Variants in FBXO43 observed in about 807,000 individuals in gnomAD.
FBXO43 encodes the protein F-box only protein 43.
Under a neutral mutation model 56.7 loss-of-function variants are expected in FBXO43, and 22 were observed. That is an observed-to-expected ratio of 0.39 (90% CI 0.28 to 0.55). FBXO43 has a LOEUF of 0.55. Ranked by LOEUF, FBXO43 falls within the 20% of genes least tolerant of loss-of-function variation. The pLI is 0.66. For missense variants in FBXO43, 733 were observed against 814.9 expected, an observed-to-expected ratio of 0.90 and a Z score of 1.22; for synonymous variants, 306 against 294.5, an observed-to-expected ratio of 1.04 and a Z score of -0.40.
At chr8:100,142,459 A>G (rs1563755088) in intron 1 of FBXO43, among the ~76,000 whole-genome samples, 1 of 152,216 alleles carries the variant, frequency 6.6e-6, no homozygotes, top group East Asian at 1.9e-4. Flanking sequence ...TACCCTAAAG[A>G]GAAAAAAACC....
At chr8:100,137,513 GATT>G (rs754639612) in intron 3 of FBXO43, 49 bp downstream of exon 3, 41 of 1,210,050 alleles carry the variant, frequency 3.4e-5, no homozygotes, top group Admixed American at 4.4e-5. Flanking sequence ...AGCAACATGA[GATT>G]ATTATGTATT....
rs1814369709 is a variant in FBXO43, at chr8:100,133,406, T to C, written c.*396A>G. The C allele has an allele frequency of 6.5e-6, 1 of 153,096 alleles. No individual in the cohort carries two copies. Among genetic ancestry groups the C allele is most frequent in the Non-Finnish European group, 1.5e-5 (1 of 68,644 alleles). The allele number at this position is 153,096 out of a possible 1,614,324, so 9.5% of individuals were successfully genotyped here. ...ATATTTCATTTCAGTCAAGTACTCA[T>C]TTTCCAAATCTATAAGGCCATCTGT... is the stretch of plus-strand genomic sequence containing the variant. On this transcript the variant is annotated 3_prime_UTR_variant, in exon 5 of 5. Transcript: ENST00000428847.
upstream of FBXO43, among the ~76,000 whole-genome samples, chr8:100,146,592 G>A (rs563734612): frequency 2.3e-4 from 35 of 152,220 alleles, no homozygotes; most frequent in South Asian, 5.2e-3. Context: ...TTTACTGGGC[G>A]TCTATTATAT....
intron 2 of FBXO43, among the ~76,000 whole-genome samples, chr8:100,138,223 G>T (rs535688548): frequency 2.0e-5 from 3 of 152,302 alleles, no homozygotes; most frequent in African/African-American, 4.8e-5. Context: ...TTTTTGTCCA[G>T]TGATTGCTGA....
intron 3 of FBXO43, among the ~76,000 whole-genome samples, chr8:100,135,578 TA>T (rs1277552387): frequency 1.3e-5 from 2 of 151,954 alleles, no homozygotes; most frequent in Non-Finnish European, 2.9e-5. Flanking sequence ...ACTGAGTTTT[TA>T]AAAAAGTGAT....
intron 1 of FBXO43, among the ~76,000 whole-genome samples, chr8:100,143,952 A>T (rs897889607): frequency 6.6e-6 from 1 of 152,142 alleles, no homozygotes; most frequent in African/African-American, 2.4e-5. Context: ...GTGTATTTTT[A>T]GTAGAGACGG....
chr8:100,141,912 G>C lies in FBXO43; in HGVS notation c.342C>G (p.Gly114=), dbSNP rs1316879593. The change falls in exon 2 of 5, where the codon GGC becomes GGG. Residue 114 remains glycine (G), a synonymous_variant. Transcript: ENST00000428847. ...TGGGAGATTCTAAAGGATGTGTTAA[G>C]CCCAGGCCTGAAGTTTCAGGGTGCT... ...LYEHPETSGL[G]LTHPLESPTQ... 6.3e-7 allele frequency: 1 copy of C among 1,592,290 alleles called. No individual in the cohort carries two copies. The highest frequency in any genetic ancestry group is 1.8e-5 in the Admixed American group (1 of 54,742).
At chr8:100,135,717 AC>A (rs1814449272) in intron 3 of FBXO43, among the ~76,000 whole-genome samples, 1 of 151,782 alleles carries the variant, frequency 6.6e-6, no homozygotes, top group Non-Finnish European at 1.5e-5. Flanking sequence ...TGATCCTCCC[AC>A]CTCAGCCTCC....
At chr8:100,139,588 G>A (rs1191337130) in intron 2 of FBXO43, among the ~76,000 whole-genome samples, 3 of 152,146 alleles carry the variant, frequency 2.0e-5, no homozygotes, top group Admixed American at 6.5e-5. Context: ...CATTGCCACG[G>A]CATTCCCATG....
chr8:100,144,759 G>A (rs748071156), intron 1 of FBXO43, among the ~76,000 whole-genome samples: 5 of 151,734 alleles, frequency 3.3e-5, no homozygotes, highest in Non-Finnish European at 2.9e-5. Context: ...GTGAAACCCC[G>A]TCTCCACTAA....
At chr8:100,142,423 C>T (rs529036442) in intron 1 of FBXO43, among the ~76,000 whole-genome samples, 83 of 152,200 alleles carry the variant, frequency 5.5e-4, no homozygotes, top group African/African-American at 1.9e-3. Flanking sequence ...ATAGGCTAAG[C>T]ATCATGCACA....
intron 3 of FBXO43, among the ~76,000 whole-genome samples, chr8:100,135,927 CTT>C (rs76409293): frequency 3.6e-5 from 5 of 140,454 alleles, no homozygotes; most frequent in Admixed American, 1.4e-4. Flanking sequence ...TATTTCTTTT[CTT>C]TTTTTTTTTT....
chr8:100,140,496 C>T (rs1378631040), intron 2 of FBXO43, among the ~76,000 whole-genome samples, 187 bp downstream of exon 2: 2 of 150,792 alleles, frequency 1.3e-5, no homozygotes, highest in Non-Finnish European at 3.0e-5. Flanking sequence ...CAAAACAAAA[C>T]AAAACAAAAA....
intron 2 of FBXO43, among the ~76,000 whole-genome samples, chr8:100,140,267 A>C (rs1445215062): frequency 6.6e-6 from 1 of 152,188 alleles, no homozygotes; most frequent in Non-Finnish European, 1.5e-5. Flanking sequence ...TCAGGAGATC[A>C]AGACCATCCT....
At chr8:100,142,441 T>C (rs1219256739) in intron 1 of FBXO43, among the ~76,000 whole-genome samples, 2 of 152,220 alleles carry the variant, frequency 1.3e-5, no homozygotes, top group African/African-American at 4.8e-5. Flanking sequence ...ACACATATTT[T>C]ATTGAGCTAC....
chr8:100,148,824 C>T (rs946122247), upstream of FBXO43, among the ~76,000 whole-genome samples: 8 of 152,228 alleles, frequency 5.3e-5, no homozygotes, highest in African/African-American at 1.7e-4. Context: ...TCCAATAAAA[C>T]GTAATGGGAG....
Position 100,145,716 on chromosome 8 carries a change from G to C in FBXO43, c.-581C>G, listed in dbSNP as rs1222483926. On this transcript the variant is annotated 5_prime_UTR_variant, in exon 1 of 5. In the 5' UTR this introduces an upstream ATG that the reference lacks. Transcript: ENST00000428847. ...GAGAGGAGCCGGGCAGCAGCCGCTG[G>C]ATGGGCCGGGGAGAAGCCTCGGCCT... 1 of 152,592 alleles carries C rather than the reference G, an allele frequency of 6.6e-6. No individual in the cohort carries two copies. Among genetic ancestry groups the C allele is most frequent in the Admixed American group, 6.5e-5 (1 of 15,292 alleles). The allele number at this position is 152,592 out of a possible 1,614,324, so 9.5% of individuals were successfully genotyped here.
intron 1 of FBXO43, among the ~76,000 whole-genome samples, chr8:100,144,727 C>A (rs768767565): frequency 6.6e-6 from 1 of 151,174 alleles, no homozygotes; most frequent in Admixed American, 6.6e-5. Flanking sequence ...GTCAGGAGAG[C>A]GAGACCAACC....
intron 3 of FBXO43, among the ~76,000 whole-genome samples, chr8:100,136,586 T>G (rs1301194538): frequency 6.6e-6 from 1 of 152,088 alleles, no homozygotes; most frequent in Non-Finnish European, 1.5e-5. Flanking sequence ...CTCAAGGGAG[T>G]GCAAGTTTAT....
Sources: allele counts gnomAD v4.1 joint callset (sites outside exome capture counted in the v4.1 genomes callset), GRCh38; gene constraint gnomAD v4.1.1; transcripts MANE v1.5; gene names NCBI Gene and HGNC (gene_info 2026-07-23, HGNC 2026-07-21).